SLC25A26: variants seen among roughly 807,000 people sequenced by gnomAD.
SLC25A26 encodes the protein mitochondrial S-adenosylmethionine carrier protein.
SLC25A26 carries 36 observed loss-of-function variants against 37.8 expected under a neutral mutation model. The observed-to-expected ratio is 0.95, with a 90% confidence interval of 0.73 to 1.26. The LOEUF (loss-of-function observed/expected upper bound fraction) is 1.26, where lower values mean the gene tolerates loss of function less well. Ranked by LOEUF, SLC25A26 falls within the 50% of genes most tolerant of loss-of-function variation. The probability of loss-of-function intolerance (pLI) is 0.00; values close to 1 mark genes in which losing one functional copy is unlikely to be tolerated. For synonymous variants in SLC25A26, 129 were observed against 122.5 expected, an observed-to-expected ratio of 1.05 and a Z score of -0.35; for missense variants, 390 against 331.1, an observed-to-expected ratio of 1.18 and a Z score of -1.38.
chr3:66,341,891 G>A (rs769409672), intron 5 of SLC25A26, among the ~76,000 whole-genome samples: 5 of 152,118 alleles, frequency 3.3e-5, no homozygotes, highest in Admixed American at 6.5e-5. Context: ...AATACTAGCA[G>A]ACTAGCTTTG....
upstream of SLC25A26, among the ~76,000 whole-genome samples, chr3:66,218,757 A>T (rs1258691580): frequency 6.6e-6 from 1 of 152,218 alleles, no homozygotes; most frequent in African/African-American, 2.4e-5. Flanking sequence ...AAGACACTCA[A>T]GCAGTACTAT....
At chr3:66,291,331 T>C (rs757234711) in intron 5 of SLC25A26, among the ~76,000 whole-genome samples, 2 of 152,058 alleles carry the variant, frequency 1.3e-5, no homozygotes, top group Non-Finnish European at 2.9e-5. Flanking sequence ...CTCGTAGTTA[T>C]TTCTTGTCTT....
chr3:66,327,401 T>C (rs1006378455), intron 5 of SLC25A26, among the ~76,000 whole-genome samples: 3 of 152,242 alleles, frequency 2.0e-5, no homozygotes, highest in African/African-American at 2.4e-5. Flanking sequence ...TTTCCACTTA[T>C]AATTGTTTTA....
intron 1 of SLC25A26, among the ~76,000 whole-genome samples, chr3:66,182,140 C>T (rs905486173): frequency 3.3e-5 from 5 of 152,150 alleles, no homozygotes; most frequent in African/African-American, 1.2e-4. Context: ...CGTGGTGGAG[C>T]AGATAATCAA....
intron 5 of SLC25A26, among the ~76,000 whole-genome samples, chr3:66,344,195 A>C (rs2076270185): frequency 1.3e-5 from 2 of 152,192 alleles, no homozygotes; most frequent in South Asian, 4.1e-4. Flanking sequence ...TTTCTGATTA[A>C]ATATAAATAT....
At chr3:66,192,509 C>G (rs926010678) in intron 1 of SLC25A26, among the ~76,000 whole-genome samples, 1 of 152,078 alleles carries the variant, frequency 6.6e-6, no homozygotes, top group Non-Finnish European at 1.5e-5. Flanking sequence ...TCTGTTGTTT[C>G]AGCCACTCAG....
chr3:66,271,746 C>T (rs776512892), intron 5 of SLC25A26, among the ~76,000 whole-genome samples: 1 of 152,106 alleles, frequency 6.6e-6, no homozygotes, highest in African/African-American at 2.4e-5. Context: ...AGAAAGAAGA[C>T]CATTTCATAC....
chr3:66,169,595 A>G (rs955977390), intron 1 of SLC25A26, among the ~76,000 whole-genome samples: 1 of 152,086 alleles, frequency 6.6e-6, no homozygotes, highest in Non-Finnish European at 1.5e-5. Context: ...CGCCCTTAGA[A>G]TTTCAGCTCC....
intron 1 of SLC25A26, among the ~76,000 whole-genome samples, chr3:66,160,828 G>C (rs140978069): frequency 1.3e-5 from 2 of 152,016 alleles, no homozygotes; most frequent in East Asian, 3.9e-4. Context: ...CCAGCTACTC[G>C]AGAGGCTGAG....
intron 5 of SLC25A26, among the ~76,000 whole-genome samples, chr3:66,339,483 C>G (rs767032180): frequency 6.6e-6 from 1 of 151,870 alleles, no homozygotes; most frequent in Non-Finnish European, 1.5e-5. Context: ...CTTGCATATC[C>G]CTTGTTCACC....
chr3:66,195,455 T>G (rs2071029911), intron 1 of SLC25A26, among the ~76,000 whole-genome samples: 1 of 152,204 alleles, frequency 6.6e-6, no homozygotes, highest in Non-Finnish European at 1.5e-5. Context: ...AACGGGGAGA[T>G]CTGCTGCATC....
chr3:66,265,604 T>A (rs1222131773), intron 5 of SLC25A26, among the ~76,000 whole-genome samples: 1 of 152,248 alleles, frequency 6.6e-6, no homozygotes, highest in Non-Finnish European at 1.5e-5. Context: ...CCAAATTTTA[T>A]TCTCAGGTAG....
intron 1 of SLC25A26, among the ~76,000 whole-genome samples, chr3:66,144,821 C>G (rs1278320636): frequency 6.6e-6 from 1 of 152,152 alleles, no homozygotes; most frequent in Non-Finnish European, 1.5e-5. Context: ...AGCATGACTT[C>G]AAAACTCTAA....
intron 1 of SLC25A26, among the ~76,000 whole-genome samples, chr3:66,154,873 C>T (rs913511113): frequency 1.3e-5 from 2 of 152,196 alleles, no homozygotes; most frequent in African/African-American, 4.8e-5. Context: ...AAACCAATCT[C>T]ATGGAATCAT....
intron 1 of SLC25A26, among the ~76,000 whole-genome samples, chr3:66,183,559 G>C (rs1340882212): frequency 6.6e-6 from 1 of 151,886 alleles, no homozygotes; most frequent in Non-Finnish European, 1.5e-5. Flanking sequence ...TTATCGTGAT[G>C]TTGACCCTGG....
At chr3:66,314,729 C>T (rs780710074) in intron 5 of SLC25A26, among the ~76,000 whole-genome samples, 22 of 151,008 alleles carry the variant, frequency 1.5e-4, no homozygotes, top group Non-Finnish European at 2.1e-4. Flanking sequence ...TAGAATTCAG[C>T]TGTAAAACCG....
chr3:66,363,533 G>T (rs1248266938), intron 7 of SLC25A26, among the ~76,000 whole-genome samples: 2 of 152,224 alleles, frequency 1.3e-5, no homozygotes, highest in African/African-American at 2.4e-5. Flanking sequence ...GAATTTTCAA[G>T]TGAGGCTTTA....
intron 1 of SLC25A26, among the ~76,000 whole-genome samples, chr3:66,209,898 T>TTATATATA (rs1159734636): frequency 0.011 from 423 of 38,360 alleles, 40 homozygotes; most frequent in Non-Finnish European, 0.015. Flanking sequence ...CTCTCTCTAT[T>TTATATATA]TATATATATA....
chr3:66,147,138 C>T (rs2070130231), intron 1 of SLC25A26, among the ~76,000 whole-genome samples: 1 of 99,934 alleles, frequency 1.0e-5, no homozygotes, highest in Non-Finnish European at 2.0e-5. Flanking sequence ...CTTCCCCTGC[C>T]CTCCCCGTCC....
Sources: gnomAD v4.1 joint callset for allele counts (sites outside exome capture counted in the v4.1 genomes callset) on GRCh38, gnomAD v4.1.1 for gene constraint, MANE v1.5 for transcripts, NCBI Gene and HGNC (gene_info 2026-07-23, HGNC 2026-07-21) for gene names.